The following DDX4 variants were observed in gnomAD, a reference collection of about 807,000 sequenced individuals.
DDX4 encodes the protein DEAD-box helicase 4.
A neutral mutation model predicts 100.0 loss-of-function variants in DDX4; 25 were observed. The observed-to-expected ratio is 0.25, with a 90% CI of 0.18 to 0.35. The LOEUF is 0.35. Among genes scored for constraint, DDX4 ranks in the 10% least tolerant of loss-of-function variants. The pLI is 1.00. For missense variants in DDX4, 635 were observed against 882.4 expected (o/e 0.72, Z 3.55); for synonymous variants, 259 against 275.7 (o/e 0.94, Z 0.60).
chr5:55,803,705 T>C (rs1743488798), intron 18 of DDX4, among the ~76,000 whole-genome samples: 1 of 152,218 alleles, frequency 6.6e-6, no homozygotes, highest in Admixed American at 6.5e-5. Context: ...ATGTGCCACA[T>C]TTTCTTAATC....
At chr5:55,774,498 A>G (rs918429680) in intron 7 of DDX4, among the ~76,000 whole-genome samples, 3 of 152,088 alleles carry the variant, frequency 2.0e-5, no homozygotes, top group Non-Finnish European at 4.4e-5. Context: ...CCCTTTCTTG[A>G]TAGTACCCTT....
intron 5 of DDX4, among the ~76,000 whole-genome samples, chr5:55,763,776 C>T (rs1382332330): frequency 1.3e-5 from 2 of 152,140 alleles, no homozygotes; most frequent in South Asian, 4.1e-4. Context: ...GAGTATATGA[C>T]AATTGAGGTA....
At position 55,781,084 on chromosome 5, in the gene DDX4, A is replaced by G. The variant is rs771876612; in HGVS notation, c.515A>G (p.Asp172Gly). Residue 172 changes from aspartate (D) to glycine (G), a missense_variant, in exon 9 of 22, where the codon GAC (aspartate) becomes GGC (glycine). Coordinates refer to ENST00000505374, the MANE Select transcript of DDX4 (RefSeq NM_024415.3). ...AATCAAGATAATGACTTAGACCCAG[A>G]CGAATGTATGCAGCGCACTGGTGGC... ...LGSPNNDLDPDECMQRTGGLF... is the reference protein window; with the variant it reads ...LGSPNNDLDPGECMQRTGGLF... The G allele has an allele frequency of 1.9e-6, 3 of 1,610,212 alleles. No homozygotes were observed. Among genetic ancestry groups the G allele is most frequent in the Non-Finnish European group, 2.5e-6 (3 of 1,179,100 alleles).
At chr5:55,773,197 G>A (rs1741357148) in intron 7 of DDX4, 1 of 152,374 alleles carries the variant, frequency 6.6e-6, no homozygotes, top group South Asian at 2.0e-4. Flanking sequence ...TGGTGGATAA[G>A]GCCAGGCAGC....
intron 3 of DDX4, among the ~76,000 whole-genome samples, chr5:55,758,133 G>C (rs1760057604): frequency 6.6e-6 from 1 of 152,128 alleles, no homozygotes; most frequent in African/African-American, 2.4e-5. Flanking sequence ...TCCTTAGTTT[G>C]CTAAGTATAT....
intron 4 of DDX4, among the ~76,000 whole-genome samples, chr5:55,762,426 A>T (rs191642764): frequency 8.1e-4 from 124 of 152,330 alleles, no homozygotes; most frequent in Middle Eastern, 6.8e-3. Flanking sequence ...AGGATAAATT[A>T]TGACTGGAGG....
intron 7 of DDX4, among the ~76,000 whole-genome samples, chr5:55,769,923 G>A (rs1354242435): frequency 6.6e-6 from 1 of 151,438 alleles, no homozygotes; most frequent in African/African-American, 2.4e-5. Context: ...CTGGAGTGCA[G>A]TGGTGTGATC....
In DDX4 at chr5:55,811,022, C is replaced by CT. The variant is rs5867999; in HGVS notation, c.1616-2638dup. 4.1e-3 allele frequency among the ~76,000 whole-genome samples: 582 copies of CT among 140,712 alleles called. 1 individual carries two copies. Among genetic ancestry groups the CT allele is most frequent in the Middle Eastern group, 0.015 (4 of 264 alleles). The allele number at this position is 140,712 out of a possible 152,430, so 92.3% of individuals were successfully genotyped here. ...TTCTTCTTTTTTTCCCTTCTTTAGT[C>CT]TTTTTTTTTTTTTAAACAGACCTAA... On this transcript the variant is annotated intron_variant, in intron 18 of 21. Coordinates refer to ENST00000505374, the MANE Select transcript of DDX4 (RefSeq NM_024415.3).
chr5:55,806,409 G>C (rs1743724041), intron 18 of DDX4, among the ~76,000 whole-genome samples: 1 of 152,058 alleles, frequency 6.6e-6, no homozygotes, highest in Non-Finnish European at 1.5e-5. Context: ...TCTTTTAATT[G>C]TGATATTAGG....
At chr5:55,770,586 C>T (rs1221764697) in intron 7 of DDX4, among the ~76,000 whole-genome samples, 2 of 152,186 alleles carry the variant, frequency 1.3e-5, no homozygotes, top group Non-Finnish European at 2.9e-5. Flanking sequence ...TTTGGAACTA[C>T]ATAGTAATCA....
At chr5:55,739,112 T>G in intron 2 of DDX4, 80 bp downstream of exon 2, 1 of 848,682 alleles carries the variant, frequency 1.2e-6, no homozygotes, top group Non-Finnish European at 2.0e-6. Context: ...AGTTCTAAAT[T>G]ATACAGTCTG....
At chr5:55,765,280 G>A (rs2111831723) in intron 6 of DDX4, among the ~76,000 whole-genome samples, 1 of 151,332 alleles carries the variant, frequency 6.6e-6, no homozygotes, top group East Asian at 1.9e-4. Flanking sequence ...TGGTGGGCCA[G>A]GGAGCTTTTG....
chr5:55,744,245 C>T (rs1039867909), intron 2 of DDX4, among the ~76,000 whole-genome samples: 1 of 152,130 alleles, frequency 6.6e-6, no homozygotes, highest in Non-Finnish European at 1.5e-5. Context: ...GGTGCATTCT[C>T]TCTAGGTTTG....
chr5:55,814,820 G>A (rs191933158), intron 19 of DDX4, 81 bp from the exon 20 acceptor site: 3 of 1,481,226 alleles, frequency 2.0e-6, no homozygotes, highest in South Asian at 2.6e-5. Context: ...TTATTAAAAA[G>A]AAATTTGTAT....
Position 55,767,722 on chromosome 5 carries a change from TTATA to T in DDX4, c.335-155_335-152del, listed in dbSNP as rs770585245. On this transcript the variant is annotated intron_variant, in intron 6 of 21. Transcript: ENST00000505374. ...AGGGAATCGACTCTGAGTAATGTCTTTATATATCTGTTAAAATTATTTGAAGAAA... is the reference window on the plus strand; with the variant it reads ...AGGGAATCGACTCTGAGTAATGTCTTTATCTGTTAAAATTATTTGAAGAAA... 6.8e-4 allele frequency among the ~76,000 whole-genome samples: 103 copies of T among 152,346 alleles called. 1 individual carries two copies. The highest frequency in any genetic ancestry group is 2.5e-3 in the African/African-American group (102 of 41,592).
intron 4 of DDX4, among the ~76,000 whole-genome samples, chr5:55,762,515 G>C (rs1443226581): frequency 6.6e-6 from 1 of 152,166 alleles, no homozygotes; most frequent in Non-Finnish European, 1.5e-5. Flanking sequence ...AGTAGGGAAT[G>C]CCATGCCAAA....
intron 18 of DDX4, among the ~76,000 whole-genome samples, chr5:55,809,320 G>A (rs759082236): frequency 9.2e-5 from 14 of 152,118 alleles, no homozygotes; most frequent in Non-Finnish European, 1.5e-4. Flanking sequence ...TGCACCAAGT[G>A]TCCTGCACCC....
intron 1 of DDX4, 44 bp downstream of exon 1, chr5:55,738,145 G>T (rs1448393291): frequency 6.6e-6 from 1 of 152,294 alleles, no homozygotes; most frequent in African/African-American, 2.4e-5. Context: ...GAACTCGGCC[G>T]TACGGGCTCC....
intron 15 of DDX4, 74 bp downstream of exon 15, chr5:55,788,074 C>G: frequency 2.9e-6 from 4 of 1,368,538 alleles, no homozygotes; most frequent in Non-Finnish European, 4.0e-6. Flanking sequence ...TTTGGAAGAA[C>G]TCAGTAATAA....
Sources: allele counts gnomAD v4.1 joint callset (sites outside exome capture counted in the v4.1 genomes callset), GRCh38; gene constraint gnomAD v4.1.1; transcripts MANE v1.5; gene names NCBI Gene and HGNC (gene_info 2026-07-23, HGNC 2026-07-21).